Variants in FMN2 observed in about 807,000 individuals in gnomAD.
FMN2 encodes the protein formin-2.
A neutral mutation model predicts 142.3 loss-of-function variants in FMN2; 51 were observed. The ratio of observed to expected loss-of-function variants is 0.36; its 90% CI spans 0.29 to 0.45. The LOEUF is 0.45. Ranked by LOEUF, FMN2 falls within the 20% of genes least tolerant of loss-of-function variation. The pLI, the probability that FMN2 is intolerant of heterozygous loss-of-function variation, is 1.00. For synonymous variants in FMN2, 882 were observed against 869.8 expected (o/e 1.01, Z -0.25); for missense variants, 1,936 against 2,122.8 (o/e 0.91, Z 1.73).
chr1:240,299,037 G>C (rs1670096515), intron 8 of FMN2, among the ~76,000 whole-genome samples: 1 of 151,584 alleles, frequency 6.6e-6, no homozygotes, highest in Admixed American at 6.6e-5. Flanking sequence ...TGCAACCTCT[G>C]CCTCCCAGGT....
intron 14 of FMN2, among the ~76,000 whole-genome samples, chr1:240,389,350 G>C (rs1218715743): frequency 1.3e-5 from 2 of 152,076 alleles, no homozygotes; most frequent in Non-Finnish European, 2.9e-5. Context: ...GTTGCAAATA[G>C]AAAATCACCT....
chr1:240,245,969 A>G (rs1668067999), intron 6 of FMN2, among the ~76,000 whole-genome samples: 2 of 152,050 alleles, frequency 1.3e-5, no homozygotes, highest in Admixed American at 6.5e-5. Context: ...TCACGAGGTC[A>G]GGGGATCGAG....
chr1:240,288,385 G>A (rs572243443), intron 7 of FMN2, among the ~76,000 whole-genome samples: 34 of 152,270 alleles, frequency 2.2e-4, no homozygotes, highest in Admixed American at 6.5e-4. Flanking sequence ...ACTGAATCAT[G>A]ATGCTTCTCC....
intron 14 of FMN2, among the ~76,000 whole-genome samples, chr1:240,375,153 G>T (rs1223654713): frequency 6.6e-6 from 1 of 152,110 alleles, no homozygotes; most frequent in East Asian, 1.9e-4. Flanking sequence ...TCTTATGTGG[G>T]CATAGTTTGT....
intron 14 of FMN2, 125 bp downstream of exon 14, chr1:240,356,033 AT>A: frequency 1.6e-6 from 1 of 631,242 alleles, no homozygotes; most frequent in Non-Finnish European, 2.7e-6. Context: ...AAAAGGGCTT[AT>A]TTTGACATTA....
chr1:240,150,297 A>G (rs747782094), intron 2 of FMN2, among the ~76,000 whole-genome samples: 18 of 152,264 alleles, frequency 1.2e-4, no homozygotes, highest in Non-Finnish European at 2.4e-4. Flanking sequence ...GCCATCAGAC[A>G]TAGTCAACAA....
chr1:240,319,241 T>C (rs1338970713), intron 8 of FMN2, among the ~76,000 whole-genome samples: 1 of 152,138 alleles, frequency 6.6e-6, no homozygotes, highest in Non-Finnish European at 1.5e-5. Context: ...CTAGTCAACA[T>C]AAAAGTATCA....
At chr1:240,336,422 C>T (rs1304905902) in intron 13 of FMN2, among the ~76,000 whole-genome samples, 1 of 151,944 alleles carries the variant, frequency 6.6e-6, no homozygotes, top group African/African-American at 2.4e-5. Context: ...CAACAATGAT[C>T]ACATTTGTCT....
chr1:240,348,724 C>G (rs1323073002), intron 13 of FMN2, among the ~76,000 whole-genome samples: 2 of 152,132 alleles, frequency 1.3e-5, no homozygotes, highest in Admixed American at 1.3e-4. Flanking sequence ...ATTTTACCCC[C>G]TAAATATTTC....
rs376788013 is a variant in FMN2 at position 240,206,105 on chromosome 1, T to G, written c.1987-694T>G. Among the ~76,000 whole-genome samples, 3 of 151,904 alleles carry G rather than the reference T, an allele frequency of 2.0e-5. No homozygotes were observed. The East Asian group carries it at 5.8e-4, about 30-fold the overall frequency. ...TTTTAGGAGAGATGCAGTCTTGCTA[T>G]GTTGCTCAGGCTGGTCTTGAACTCC... On this transcript the variant is annotated intron_variant, in intron 4 of 17. Transcript: ENST00000319653.
chr1:240,158,327 T>C (rs1365744944), intron 2 of FMN2, among the ~76,000 whole-genome samples: 5 of 152,268 alleles, frequency 3.3e-5, no homozygotes, highest in South Asian at 4.1e-4. Flanking sequence ...CCTTTCTGTC[T>C]TTTTCTGAAT....
chr1:240,224,319 T>C (rs1426747055), intron 6 of FMN2, among the ~76,000 whole-genome samples: 1 of 152,214 alleles, frequency 6.6e-6, no homozygotes, highest in African/African-American at 2.4e-5. Context: ...AATCCTGAGT[T>C]GTAATTTGAT....
intron 2 of FMN2, among the ~76,000 whole-genome samples, chr1:240,159,974 T>TATATAC (rs1202421069): frequency 7.5e-5 from 10 of 134,082 alleles, no homozygotes; most frequent in African/African-American, 2.8e-4. Context: ...TATATATATA[T>TATATAC]ACACACACAC....
intron 6 of FMN2, among the ~76,000 whole-genome samples, chr1:240,236,099 A>G (rs552982465): frequency 1.3e-5 from 2 of 152,190 alleles, no homozygotes; most frequent in Admixed American, 1.3e-4. Context: ...TGCTTGAGCA[A>G]ATTTACTCCA....
intron 2 of FMN2, chr1:240,171,162 G>C: frequency 1.1e-6 from 1 of 949,034 alleles, no homozygotes. Context: ...TCCCAAAGTT[G>C]GTATCTGAAT....
At chr1:240,107,930 G>A (rs1245225907) in intron 1 of FMN2, among the ~76,000 whole-genome samples, 2 of 152,144 alleles carry the variant, frequency 1.3e-5, no homozygotes, top group African/African-American at 4.8e-5. Context: ...CTAGTGTCAA[G>A]TAACATAAAT....
intron 6 of FMN2, among the ~76,000 whole-genome samples, chr1:240,239,919 C>T (rs1263565266): frequency 6.6e-6 from 1 of 152,020 alleles, no homozygotes; most frequent in Admixed American, 6.6e-5. Context: ...GTTATAACTA[C>T]AAAGGAAGGG....
Position 240,473,821 on chromosome 1 carries a change from A to G in FMN2, c.5143-307A>G, listed in dbSNP as rs547287346. The stretch of plus-strand genomic sequence containing the variant: ...GTGAAGCAGCCACTTCAGTTTTCAT[A>G]TTTATGTATTTGCATGTAGGATTGA... On this transcript the variant is annotated intron_variant, in intron 17 of 17. Transcript: ENST00000319653. This position sits in a 1 kb window ranked among gnomAD's most constrained non-coding sequence, Gnocchi z 4.3. Among the ~76,000 whole-genome samples the G allele has an allele frequency of 3.3e-5, 5 of 152,242 alleles. No individual in the cohort carries two copies. The East Asian group carries it at 9.7e-4, about 29-fold the overall frequency.
At chr1:240,191,357 G>A (rs191591379) in intron 4 of FMN2, among the ~76,000 whole-genome samples, 1 of 152,204 alleles carries the variant, frequency 6.6e-6, no homozygotes, top group African/African-American at 2.4e-5. Context: ...CAGAGAGTCT[G>A]ATGCTTAAAG....
Sources: allele counts gnomAD v4.1 joint callset (sites outside exome capture counted in the v4.1 genomes callset), GRCh38; gene constraint gnomAD v4.1.1; non-coding constraint Gnocchi (gnomAD v3.1); transcripts MANE v1.5; gene names NCBI Gene and HGNC (gene_info 2026-07-23, HGNC 2026-07-21).